The following ENTREP2 variants were observed in gnomAD, a reference collection of about 807,000 sequenced individuals.
ENTREP2 encodes the protein endosomal transmembrane epsin interactor 2.
the ENTREP2 span, chr15:29,151,861 A>G: frequency 1.3e-6 from 2 of 1,533,398 alleles, no homozygotes. Flanking sequence ...AAGGTGCAGG[A>G]GAATGTCAGC....
the ENTREP2 span, among the ~76,000 whole-genome samples, chr15:29,331,600 C>T: frequency 6.6e-6 from 1 of 152,150 alleles, no homozygotes; most frequent in Non-Finnish European, 1.5e-5. Context: ...CTAAACATCC[C>T]CATGAACTGA....
At chr15:29,449,533 T>C in the ENTREP2 span, among the ~76,000 whole-genome samples, 41 of 152,284 alleles carry the variant, frequency 2.7e-4, no homozygotes, top group African/African-American at 9.6e-4. Context: ...ATGTCCTTTA[T>C]AGGACAAAAA....
the ENTREP2 span, among the ~76,000 whole-genome samples, chr15:29,600,474 C>CA: frequency 6.7e-6 from 1 of 148,812 alleles, no homozygotes; most frequent in African/African-American, 2.5e-5. Context: ...CATCATCAAT[C>CA]ATCATCATCG....
the ENTREP2 span, among the ~76,000 whole-genome samples, chr15:29,251,093 C>A: frequency 1.3e-5 from 2 of 152,134 alleles, no homozygotes; most frequent in Admixed American, 6.5e-5. Context: ...AACATGGTCC[C>A]AAGCCAAGCA....
the ENTREP2 span, among the ~76,000 whole-genome samples, chr15:29,282,064 G>A: frequency 3.5e-4 from 54 of 152,292 alleles, no homozygotes; most frequent in Non-Finnish European, 5.4e-4. Context: ...TTGTTTGGAA[G>A]CTATAAAGAT....
the ENTREP2 span, chr15:29,675,085 C>G: frequency 1.0e-4 from 16 of 153,004 alleles, no homozygotes; most frequent in African/African-American, 3.9e-4. Context: ...TCCCTCCCCT[C>G]CTCCCTTGCT....
the ENTREP2 span, among the ~76,000 whole-genome samples, chr15:29,528,903 C>T: frequency 1.3e-5 from 2 of 152,036 alleles, no homozygotes; most frequent in African/African-American, 4.8e-5. Flanking sequence ...TTAAAAATAA[C>T]TGGGTAAAAC....
the ENTREP2 span, among the ~76,000 whole-genome samples, chr15:29,659,311 A>G: frequency 6.6e-6 from 1 of 152,090 alleles, no homozygotes; most frequent in African/African-American, 2.4e-5. Context: ...TCTACTGAAA[A>G]TACAAAAAAA....
At chr15:29,636,640 ATTATCT>A in the ENTREP2 span, among the ~76,000 whole-genome samples, 1 of 152,192 alleles carries the variant, frequency 6.6e-6, no homozygotes, top group Non-Finnish European at 1.5e-5. Flanking sequence ...CCATCTCAGA[ATTATCT>A]GAAAAACAAC....
At chr15:29,640,869 CAAG>C in the ENTREP2 span, among the ~76,000 whole-genome samples, 12 of 152,070 alleles carry the variant, frequency 7.9e-5, no homozygotes, top group African/African-American at 2.9e-4. Flanking sequence ...AAAGATATCA[CAAG>C]AAGAGAAAAC....
the ENTREP2 span, among the ~76,000 whole-genome samples, chr15:29,252,710 T>G: frequency 6.6e-6 from 1 of 152,218 alleles, no homozygotes; most frequent in Non-Finnish European, 1.5e-5. Flanking sequence ...GCTACCATGA[T>G]TTTGTTTAAA....
chr15:29,185,725 C>A, the ENTREP2 span, among the ~76,000 whole-genome samples: 3 of 151,998 alleles, frequency 2.0e-5, no homozygotes, highest in African/African-American at 7.3e-5. Context: ...CCACACCTGG[C>A]TAATTTTTGT....
the ENTREP2 span, among the ~76,000 whole-genome samples, chr15:29,566,187 T>TGTTA: frequency 6.6e-6 from 1 of 151,826 alleles, no homozygotes; most frequent in East Asian, 2.0e-4. Context: ...TGAGACAGAG[T>TGTTA]CTTACTCCAT....
the ENTREP2 span, among the ~76,000 whole-genome samples, chr15:29,498,409 T>C: frequency 1.7e-4 from 26 of 152,214 alleles, no homozygotes; most frequent in African/African-American, 5.8e-4. Flanking sequence ...GAGTATGTTG[T>C]TTGATTTCCA....
the ENTREP2 span, among the ~76,000 whole-genome samples, chr15:29,253,223 G>T: frequency 6.6e-6 from 1 of 152,166 alleles, no homozygotes. Context: ...ACAACTGGCT[G>T]TTAGGAATCT....
At chr15:29,672,631 A>G in the ENTREP2 span, among the ~76,000 whole-genome samples, 1 of 152,126 alleles carries the variant, frequency 6.6e-6, no homozygotes. Context: ...GAGCCGATTT[A>G]TCAAGACAGG....
chr15:29,235,515 G>GA, the ENTREP2 span, among the ~76,000 whole-genome samples: 5,604 of 152,144 alleles, frequency 0.037, 383 homozygotes, highest in African/African-American at 0.13. Context: ...AAGCCTCAAA[G>GA]AAAAAATCAA....
chr15:29,435,868 C>T, the ENTREP2 span, among the ~76,000 whole-genome samples: 1 of 152,076 alleles, frequency 6.6e-6, no homozygotes, highest in Non-Finnish European at 1.5e-5. Flanking sequence ...GGAAGACCTC[C>T]ATCCTGGGAA....
the ENTREP2 span, among the ~76,000 whole-genome samples, chr15:29,418,117 C>T: frequency 6.6e-6 from 1 of 152,266 alleles, no homozygotes; most frequent in Non-Finnish European, 1.5e-5. Flanking sequence ...AAGTTATGCA[C>T]ATCAGAAACT....
Sources: gnomAD v4.1 joint callset for allele counts (sites outside exome capture counted in the v4.1 genomes callset) on GRCh38, gnomAD v4.1.1 for gene constraint, MANE v1.5 for transcripts, NCBI Gene and HGNC (gene_info 2026-07-23, HGNC 2026-07-21) for gene names.